IMMP2L: variants seen among roughly 807,000 people sequenced by gnomAD.
IMMP2L encodes inner mitochondrial membrane peptidase subunit 2.
In IMMP2L, 18 loss-of-function variants were observed where a neutral mutation model predicts 19.3. The ratio of observed to expected loss-of-function variants is 0.93; its 90% CI spans 0.64 to 1.38. The LOEUF (loss-of-function observed/expected upper bound fraction) is 1.38. IMMP2L is among the 40% of genes most tolerant of loss of function. The pLI is 0.00. For synonymous variants in IMMP2L, 76 were observed against 73.0 expected, an observed-to-expected ratio of 1.04 and a Z score of -0.21; for missense variants, 233 against 218.2, an observed-to-expected ratio of 1.07 and a Z score of -0.43.
chr7:111,415,791 C>A (rs1416399093), intron 3 of IMMP2L, among the ~76,000 whole-genome samples: 2 of 151,534 alleles, frequency 1.3e-5, no homozygotes, highest in African/African-American at 2.4e-5. Context: ...AAAGAAATTT[C>A]ACATAACAAC....
At chr7:110,800,118 A>G (rs1052077061) in intron 5 of IMMP2L, among the ~76,000 whole-genome samples, 3 of 152,126 alleles carry the variant, frequency 2.0e-5, no homozygotes, top group African/African-American at 7.2e-5. Context: ...AAGAATTGAT[A>G]GCTTTTTTAA....
At chr7:111,335,128 G>A (rs1315347286) in intron 3 of IMMP2L, among the ~76,000 whole-genome samples, 1 of 152,062 alleles carries the variant, frequency 6.6e-6, no homozygotes, top group African/African-American at 2.4e-5. Context: ...AGAAGCAGAG[G>A]AGACAGAAAA....
chr7:111,254,242 G>A (rs1816459483), intron 3 of IMMP2L, among the ~76,000 whole-genome samples: 1 of 151,870 alleles, frequency 6.6e-6, no homozygotes. Flanking sequence ...GTTTTGTTTT[G>A]TTTTGTTTTG....
intron 3 of IMMP2L, among the ~76,000 whole-genome samples, chr7:111,421,370 C>T (rs1489249060): frequency 2.7e-5 from 4 of 148,744 alleles, no homozygotes; most frequent in Non-Finnish European, 4.4e-5. Flanking sequence ...CCCGGGTTCA[C>T]GCCATTCTCC....
intron 5 of IMMP2L, among the ~76,000 whole-genome samples, chr7:110,836,898 G>C (rs770657784): frequency 1.3e-5 from 2 of 152,132 alleles, no homozygotes; most frequent in Non-Finnish European, 2.9e-5. Context: ...GAGAAATTCT[G>C]CTTCACTGCT....
At chr7:111,509,785 T>C (rs773582695) in intron 2 of IMMP2L, among the ~76,000 whole-genome samples, 4 of 152,030 alleles carry the variant, frequency 2.6e-5, no homozygotes, top group African/African-American at 7.2e-5. Flanking sequence ...TTTAGGAGAA[T>C]AGTTCACCAG....
intron 3 of IMMP2L, among the ~76,000 whole-genome samples, chr7:111,269,193 C>T (rs1009409602): frequency 1.4e-4 from 22 of 152,294 alleles, no homozygotes; most frequent in African/African-American, 5.1e-4. Context: ...TTATCAAAAG[C>T]AGCATCTGCT....
At chr7:110,761,651 C>T (rs187699059) in intron 5 of IMMP2L, among the ~76,000 whole-genome samples, 2 of 152,258 alleles carry the variant, frequency 1.3e-5, no homozygotes, top group South Asian at 2.1e-4. Context: ...TAAAGGCTAA[C>T]CTCATTGACA....
At chr7:111,445,526 AT>A (rs775447525) in intron 3 of IMMP2L, among the ~76,000 whole-genome samples, 21 of 152,318 alleles carry the variant, frequency 1.4e-4, no homozygotes, top group Admixed American at 2.0e-4. Flanking sequence ...AAGACTGAGA[AT>A]AACGAAACTT....
intron 3 of IMMP2L, among the ~76,000 whole-genome samples, chr7:111,104,757 G>A (rs989038568): frequency 2.0e-5 from 3 of 151,774 alleles, no homozygotes; most frequent in Non-Finnish European, 4.4e-5. Context: ...TAAGCTGTAA[G>A]CTACACTTCC....
At chr7:111,526,063 G>T (rs1344583314) in intron 1 of IMMP2L, among the ~76,000 whole-genome samples, 1 of 151,944 alleles carries the variant, frequency 6.6e-6, no homozygotes, top group African/African-American at 2.4e-5. Context: ...AAGGCCTAGG[G>T]GCAAAATAAA....
At chr7:111,307,598 A>G (rs1202430568) in intron 3 of IMMP2L, among the ~76,000 whole-genome samples, 1 of 151,570 alleles carries the variant, frequency 6.6e-6, no homozygotes, top group African/African-American at 2.4e-5. Context: ...ATAAAATATA[A>G]TTACATACAT....
intron 3 of IMMP2L, among the ~76,000 whole-genome samples, chr7:111,389,396 G>A (rs1033958490): frequency 5.9e-5 from 9 of 152,080 alleles, no homozygotes; most frequent in East Asian, 1.9e-4. Context: ...TGTAATAGAC[G>A]GTAATATTGT....
intron 2 of IMMP2L, among the ~76,000 whole-genome samples, chr7:111,490,146 G>A (rs1219762792): frequency 6.7e-6 from 1 of 148,910 alleles, no homozygotes; most frequent in East Asian, 2.0e-4. Context: ...CACTTAGGCT[G>A]GAGTGCACCG....
intron 3 of IMMP2L, among the ~76,000 whole-genome samples, chr7:111,439,857 C>A (rs2131775200): frequency 6.6e-6 from 1 of 152,018 alleles, no homozygotes; most frequent in East Asian, 1.9e-4. Flanking sequence ...TCCTTTAAAA[C>A]CCTGTCACTG....
At chr7:111,038,655 AAAT>A (rs1791584955) in intron 3 of IMMP2L, among the ~76,000 whole-genome samples, 1 of 152,178 alleles carries the variant, frequency 6.6e-6, no homozygotes, top group African/African-American at 2.4e-5. Context: ...CACTCAGTGG[AAAT>A]ATAATGAATA....
chr7:111,446,105 T>A (rs973783660), intron 3 of IMMP2L, among the ~76,000 whole-genome samples: 2 of 151,652 alleles, frequency 1.3e-5, no homozygotes, highest in African/African-American at 2.4e-5. Context: ...GAGATCAAAC[T>A]GCAAGGCGGC....
chr7:111,421,264 T>C (rs1192825515), intron 3 of IMMP2L, among the ~76,000 whole-genome samples: 6 of 142,848 alleles, frequency 4.2e-5, no homozygotes, highest in African/African-American at 1.7e-4. Flanking sequence ...TGTTTGTTTT[T>C]TTCTTTTTTT....
intron 3 of IMMP2L, among the ~76,000 whole-genome samples, chr7:111,149,579 A>G (rs533647052): frequency 3.3e-5 from 5 of 152,182 alleles, no homozygotes; most frequent in Non-Finnish European, 2.9e-5. Flanking sequence ...AACTTTTCTT[A>G]ACTTTTTTGA....
Sources: allele counts gnomAD v4.1 joint callset (sites outside exome capture counted in the v4.1 genomes callset), GRCh38; gene constraint gnomAD v4.1.1; transcripts MANE v1.5; gene names NCBI Gene and HGNC (gene_info 2026-07-23, HGNC 2026-07-21).